The following SETBP1 variants were observed in gnomAD, a reference collection of about 807,000 sequenced individuals.
SETBP1 encodes SET binding protein 1.
Under a neutral mutation model 101.0 loss-of-function variants are expected in SETBP1, and 9 were observed. That is an observed-to-expected ratio of 0.09 (90% CI 0.05 to 0.16). The LOEUF (loss-of-function observed/expected upper bound fraction) is 0.16, where lower values mean the gene tolerates loss of function less well. Ranked by LOEUF, SETBP1 falls within the 10% of genes least tolerant of loss-of-function variation. The pLI, the probability that SETBP1 is intolerant of heterozygous loss-of-function variation, is 1.00. For missense variants in SETBP1, 1,858 were observed against 2,033.8 expected, an observed-to-expected ratio of 0.91 and a Z score of 1.66; for synonymous variants, 818 against 788.5, an observed-to-expected ratio of 1.04 and a Z score of -0.63.
chr18:44,687,394 A>T (rs957367858), intron 1 of SETBP1, among the ~76,000 whole-genome samples: 1 of 152,184 alleles, frequency 6.6e-6, no homozygotes, highest in Non-Finnish European at 1.5e-5. Context: ...CCCACTGAGG[A>T]TTAATGCCCT....
intron 3 of SETBP1, among the ~76,000 whole-genome samples, chr18:44,929,993 A>T (rs1176867547): frequency 2.0e-5 from 3 of 152,166 alleles, no homozygotes; most frequent in Non-Finnish European, 4.4e-5. Context: ...GTGGTAAGAG[A>T]GGGCATCCTT....
intron 2 of SETBP1, among the ~76,000 whole-genome samples, chr18:44,765,352 T>G (rs1313388548): frequency 6.6e-6 from 1 of 152,184 alleles, no homozygotes; most frequent in East Asian, 1.9e-4. Context: ...TGGAACAAGA[T>G]AGCGACACGA....
chr18:44,688,684 A>G (rs2068878489), intron 1 of SETBP1, among the ~76,000 whole-genome samples: 1 of 151,908 alleles, frequency 6.6e-6, no homozygotes, highest in Non-Finnish European at 1.5e-5. Flanking sequence ...CGAACTCCTG[A>G]CCTCATGATC....
At chr18:44,857,452 T>C (rs610470) in intron 2 of SETBP1, among the ~76,000 whole-genome samples, 133,668 of 152,264 alleles carry the variant, frequency 0.88, 58,818 homozygotes, top group African/African-American at 0.93. Context: ...GTGGGGAATA[T>C]TAAGGGTCTG....
intron 4 of SETBP1, among the ~76,000 whole-genome samples, chr18:44,966,135 A>T (rs187094606): frequency 2.0e-5 from 3 of 152,370 alleles, no homozygotes. Flanking sequence ...GAAGGCAGCC[A>T]TAAGTAAATG....
At position 44,811,347 on chromosome 18, in the gene SETBP1, T is replaced by C. The variant is rs148672190; in HGVS notation, c.487-57883T>C. Among the ~76,000 whole-genome samples the C allele has an allele frequency of 2.6e-3, 392 of 152,378 alleles. 4 individuals are homozygous for C. Among genetic ancestry groups the C allele is most frequent in the African/African-American group, 8.9e-3 (369 of 41,598 alleles). ...CACGTGCTCACACATATGCATGTGC[T>C]TGCTCACACCTGTGTGTACACACAT... On this transcript the variant is annotated intron_variant, in intron 2 of 5. Transcript: ENST00000649279.
At chr18:44,801,488 T>G (rs1327255409) in intron 2 of SETBP1, among the ~76,000 whole-genome samples, 1 of 152,106 alleles carries the variant, frequency 6.6e-6, no homozygotes, top group Admixed American at 6.5e-5. Flanking sequence ...AGTCATCCAG[T>G]TGAAGTGTGA....
At chr18:44,700,724 G>T (rs933821919) in intron 1 of SETBP1, among the ~76,000 whole-genome samples, 1 of 152,154 alleles carries the variant, frequency 6.6e-6, no homozygotes, top group Non-Finnish European at 1.5e-5. Flanking sequence ...CCTGGGGGTT[G>T]TGCTCAGCTT....
At chr18:44,819,605 C>T (rs2072060454) in intron 2 of SETBP1, among the ~76,000 whole-genome samples, 1 of 152,110 alleles carries the variant, frequency 6.6e-6, no homozygotes, top group South Asian at 2.1e-4. Context: ...CTCATGGTCC[C>T]ATGCAGGGCA....
At chr18:44,745,684 T>C (rs1232535396) in intron 2 of SETBP1, among the ~76,000 whole-genome samples, 1 of 151,956 alleles carries the variant, frequency 6.6e-6, no homozygotes, top group African/African-American at 2.4e-5. Flanking sequence ...GGAGGCAGGG[T>C]TCAGACTCTG....
chr18:44,877,642 G>A lies in SETBP1; in HGVS notation c.540+8359G>A, dbSNP rs138561562. Among the ~76,000 whole-genome samples, 38 of 152,230 alleles carry A rather than the reference G, an allele frequency of 2.5e-4. No individual in the cohort carries two copies. In the East Asian group the frequency reaches 5.2e-3, roughly 21 times the overall value. ...ATTTTTAACAAAAATATTTGCCCAC[G>A]TGCATACATACACCTCACACTGAAG... On this transcript the variant is annotated intron_variant, in intron 3 of 5. Coordinates refer to ENST00000649279, the MANE Select transcript of SETBP1 (RefSeq NM_015559.3).
chr18:45,023,037 C>T lies in SETBP1; in HGVS notation c.4001-15448C>T, dbSNP rs189489250. ...CCTGGATAACCAGTAGCTTGTAGAACTGTGATTTGAACACTGAGAATGGGC... is the reference window on the plus strand; with the variant it reads ...CCTGGATAACCAGTAGCTTGTAGAATTGTGATTTGAACACTGAGAATGGGC... On this transcript the variant is annotated intron_variant, in intron 4 of 5. Coordinates refer to ENST00000649279, the MANE Select transcript of SETBP1 (RefSeq NM_015559.3). 7.7e-4 allele frequency among the ~76,000 whole-genome samples: 117 copies of T among 152,212 alleles called. 1 individual carries two copies. The highest frequency in any genetic ancestry group is 2.7e-3 in the African/African-American group (113 of 41,538).
At chr18:44,934,303 C>T (rs1033502016) in intron 3 of SETBP1, among the ~76,000 whole-genome samples, 13 of 152,150 alleles carry the variant, frequency 8.5e-5, no homozygotes, top group Non-Finnish European at 1.8e-4. Context: ...TGCACATCAG[C>T]ATGCCCAGCT....
At chr18:44,785,109 A>C (rs1291271311) in intron 2 of SETBP1, among the ~76,000 whole-genome samples, 1 of 152,200 alleles carries the variant, frequency 6.6e-6, no homozygotes, top group Non-Finnish European at 1.5e-5. Context: ...GAGCATTTTC[A>C]ATATTTTTTA....
chr18:44,867,271 G>A (rs549699853), intron 2 of SETBP1, among the ~76,000 whole-genome samples: 4 of 152,274 alleles, frequency 2.6e-5, no homozygotes, highest in South Asian at 2.1e-4. Context: ...CCTTAAGGTC[G>A]GCTGTGGCTG....
intron 3 of SETBP1, among the ~76,000 whole-genome samples, chr18:44,938,890 G>C (rs183746991): frequency 4.6e-5 from 7 of 151,930 alleles, no homozygotes; most frequent in Non-Finnish European, 1.0e-4. Flanking sequence ...AGTGGCTTGC[G>C]GGCCGCCCTA....
chr18:45,016,108 G>A (rs558337010), intron 4 of SETBP1, among the ~76,000 whole-genome samples: 1 of 152,302 alleles, frequency 6.6e-6, no homozygotes, highest in East Asian at 1.9e-4. Flanking sequence ...GAGCTGACCA[G>A]CTACTTTATT....
chr18:44,789,109 T>G (rs1224111374), intron 2 of SETBP1, among the ~76,000 whole-genome samples: 1 of 152,212 alleles, frequency 6.6e-6, no homozygotes, highest in Non-Finnish European at 1.5e-5. Flanking sequence ...GGCTTCCTCC[T>G]GTTTTAAAAC....
chr18:44,762,651 G>T (rs1229509951), intron 2 of SETBP1, among the ~76,000 whole-genome samples: 2 of 152,238 alleles, frequency 1.3e-5, no homozygotes, highest in Non-Finnish European at 2.9e-5. Flanking sequence ...GGGAATGTGG[G>T]AGTGGTACCC....
Sources: allele counts gnomAD v4.1 joint callset (sites outside exome capture counted in the v4.1 genomes callset), GRCh38; gene constraint gnomAD v4.1.1; transcripts MANE v1.5; gene names NCBI Gene and HGNC (gene_info 2026-07-23, HGNC 2026-07-21).